CAVIN4: variants seen among roughly 807,000 people sequenced by gnomAD.
CAVIN4 encodes the protein caveolae-associated protein 4.
In CAVIN4, 10 loss-of-function variants were observed where a neutral mutation model predicts 18.6. The observed-to-expected ratio is 0.54, with a 90% CI of 0.33 to 0.91. The LOEUF (loss-of-function observed/expected upper bound fraction) is 0.91, where lower values mean the gene tolerates loss of function less well. CAVIN4 is among the 40% of genes least tolerant of loss of function. CAVIN4 has a pLI of 0.02. For synonymous variants in CAVIN4, 173 were observed against 164.8 expected (o/e 1.05, Z -0.38); for missense variants, 459 against 440.5 (o/e 1.04, Z -0.38).
At chr9:100,581,696 A>G (rs1459755956) in intron 1 of CAVIN4, among the ~76,000 whole-genome samples, 1 of 152,202 alleles carries the variant, frequency 6.6e-6, no homozygotes, top group Non-Finnish European at 1.5e-5. Context: ...AAAGGAGGGT[A>G]TGTGATTCCT....
chr9:100,577,992 TG>T, upstream of CAVIN4: 1 of 677,038 alleles, frequency 1.5e-6, no homozygotes, highest in Non-Finnish European at 2.5e-6. Flanking sequence ...CAGTCACATA[TG>T]GGTATTTGTA....
At chr9:100,578,048 T>TAA, upstream of CAVIN4, 11 of 1,323,998 alleles carry the variant, frequency 8.3e-6, no homozygotes, top group Non-Finnish European at 1.2e-5. Flanking sequence ...TTTCCAACTC[T>TAA]TTAAACAACC....
At chr9:100,584,788 G>C (rs1172924179) in intron 1 of CAVIN4, among the ~76,000 whole-genome samples, 1 of 152,184 alleles carries the variant, frequency 6.6e-6, no homozygotes, top group African/African-American at 2.4e-5. Context: ...GACTGAAGCA[G>C]GGGGATTCCT....
chr9:100,580,089 G>GA (rs35501623), intron 1 of CAVIN4, among the ~76,000 whole-genome samples: 18,699 of 138,158 alleles, frequency 0.14, 1,273 homozygotes, highest in Middle Eastern at 0.18. Flanking sequence ...AAAAATTTGG[G>GA]AAAAAAAAAA....
rs1272014222 is a variant in CAVIN4 at position 100,587,339 on chromosome 9, A to C, written c.*888A>C. 6.6e-6 allele frequency: 1 copy of C among 152,180 alleles called. No individual in the cohort carries two copies. Among genetic ancestry groups the C allele is most frequent in the Non-Finnish European group, 1.5e-5 (1 of 68,042 alleles). 9.4% of individuals were successfully genotyped at this position (152,180 alleles called of 1,614,324 possible). On this transcript the variant is annotated 3_prime_UTR_variant, in exon 2 of 2. Transcript: ENST00000307584. ...TCCTTTTGATTAAGATCTTTGGTGGACTATAGCACTAAATTTGTTTAAGCA... is the reference window on the plus strand; with the variant it reads ...TCCTTTTGATTAAGATCTTTGGTGGCCTATAGCACTAAATTTGTTTAAGCA...
Position 100,585,811 on chromosome 9 carries a change from A to G in CAVIN4, c.455A>G (p.Asn152Ser). Residue 152 changes from asparagine to serine, a missense_variant, in exon 2 of 2, where the codon AAC (asparagine) becomes AGC (serine). Physicochemically the swap from Asn to Ser is conservative, Grantham distance 46 (BLOSUM62 1). Transcript: ENST00000307584. The stretch of plus-strand genomic sequence containing the variant: ...TCCCTGTCTGTTGTTAAAGACAGAA[A>G]CCTAACTGAGAACCAAGAAGAGGAT... ...PTSLSVVKDR[N>S]LTENQEEDDD... 1 of 1,614,176 alleles carries G rather than the reference A, an allele frequency of 6.2e-7. No individual in the cohort carries two copies.
chr9:100,583,874 A>G (rs765187484), intron 1 of CAVIN4, among the ~76,000 whole-genome samples: 20 of 152,116 alleles, frequency 1.3e-4, no homozygotes, highest in Non-Finnish European at 2.5e-4. Flanking sequence ...CGAACTCCTG[A>G]CCTCAGGTGA....
Position 100,585,989 on chromosome 9 carries a change from G to T in CAVIN4, c.633G>T (p.Arg211=). Residue 211 remains arginine (R), a synonymous_variant, in exon 2 of 2, where the codon CGG becomes CGT. Transcript: ENST00000307584. The part of the protein sequence containing the change: ...AFSKENMQKT[R]QNLDKKVNRI... ...CCAAAGAAAACATGCAGAAGACACG[G>T]CAGAATCTTGACAAGAAAGTGAACA... 2 of 1,614,134 alleles carry T rather than the reference G, an allele frequency of 1.2e-6. No individual in the cohort carries two copies. The highest frequency in any genetic ancestry group is 1.7e-6 in the Non-Finnish European group (2 of 1,180,022).
rs1191268319 is a variant in CAVIN4, at chr9:100,581,295, CA to C, written c.408+2745del. ...ATGGAGCGGTGAGGGAGGAAGGGGA[CA>C]CCCACTTAGCCCAGCCAGATCAGCT... On this transcript the variant is annotated intron_variant, in intron 1 of 1. Transcript: ENST00000307584. 6 of 152,454 alleles carry C rather than the reference CA, an allele frequency of 3.9e-5. No individual in the cohort carries two copies. The South Asian group carries it at 1.2e-3, about 32-fold the overall frequency. 9.4% of individuals were successfully genotyped at this position (152,454 alleles called of 1,614,324 possible). A position where few individuals can be genotyped will look rare whatever the true frequency, so the allele number is the denominator to read the frequency against.
chr9:100,583,210 G>A (rs939881550), intron 1 of CAVIN4, among the ~76,000 whole-genome samples: 3 of 152,138 alleles, frequency 2.0e-5, no homozygotes, highest in African/African-American at 7.2e-5. Context: ...CTACTCAGCT[G>A]CCTGCTCAGT....
At position 100,585,836 on chromosome 9, in the gene CAVIN4, T is replaced by C. The variant is rs200636428; in HGVS notation, c.480T>C (p.Asp160=). The C allele has an allele frequency of 6.6e-5, 107 of 1,613,880 alleles. No individual in the cohort carries two copies. Among genetic ancestry groups the C allele is most frequent in the Non-Finnish European group, 8.2e-5 (97 of 1,179,896 alleles). The change falls in exon 2 of 2, where the codon GAT becomes GAC. Residue 160 remains aspartate (D), a synonymous_variant. Transcript: ENST00000307584. The stretch of plus-strand genomic sequence containing the variant: ...ACCTAACTGAGAACCAAGAAGAGGA[T>C]GATGATGATATCTTTGATCCCCCAG... ...DRNLTENQEE[D]DDDIFDPPVD... is the part of the protein sequence containing the mutation.
At chr9:100,580,892 T>C (rs1839419639) in intron 1 of CAVIN4, among the ~76,000 whole-genome samples, 1 of 152,250 alleles carries the variant, frequency 6.6e-6, no homozygotes, top group Non-Finnish European at 1.5e-5. Context: ...GTTAGAAAGC[T>C]GTATACATGG....
chr9:100,583,597 T>C (rs1839448127), intron 1 of CAVIN4, among the ~76,000 whole-genome samples: 1 of 151,916 alleles, frequency 6.6e-6, no homozygotes, highest in African/African-American at 2.4e-5. Context: ...ATCCTGGCAC[T>C]ACTCTCCTGC....
In CAVIN4 at chr9:100,585,747, G is replaced by GT; in HGVS notation, c.409-12dup. On this transcript the variant is annotated splice_polypyrimidine_tract_variant and intron_variant, in intron 1 of 1. Coordinates refer to ENST00000307584, the MANE Select transcript of CAVIN4 (RefSeq NM_001018116.2). The stretch of plus-strand genomic sequence containing the variant: ...TGCAAAGGAAGCACTAATATGCTTT[G>GT]TTTTTTCTCTCCTTCAGGAGAAGTT... The GT allele has an allele frequency of 6.2e-7, 1 of 1,607,170 alleles. No homozygotes were observed. Among genetic ancestry groups the GT allele is most frequent in the African/African-American group, 1.3e-5 (1 of 74,892 alleles).
At position 100,587,626 on chromosome 9, in the gene CAVIN4, T is replaced by A. The variant is rs1839495149; in HGVS notation, c.*1175T>A. The A allele has an allele frequency of 6.6e-6, 1 of 152,326 alleles. No homozygotes were observed. Among genetic ancestry groups the A allele is most frequent in the South Asian group, 2.1e-4 (1 of 4,828 alleles). 9.4% of individuals were successfully genotyped at this position (152,326 alleles called of 1,614,324 possible). A position where few individuals can be genotyped will look rare whatever the true frequency, so the allele number is the denominator to read the frequency against. On this transcript the variant is annotated 3_prime_UTR_variant, in exon 2 of 2. Coordinates refer to ENST00000307584, the MANE Select transcript of CAVIN4 (RefSeq NM_001018116.2). Reference sequence around the variant, plus strand: ...AAAGAAATGGGCCGGGTGTGGTGGCTCACGGGGAGTAATCCCAGCACTTTG... The same window carrying A: ...AAAGAAATGGGCCGGGTGTGGTGGCACACGGGGAGTAATCCCAGCACTTTG...
chr9:100,585,632 GA>G, intron 1 of CAVIN4, 132 bp from the exon 2 acceptor site: 1 of 758,382 alleles, frequency 1.3e-6, no homozygotes. Context: ...GAAACCCTAA[GA>G]AATGGTAACA....
chr9:100,581,550 A>G (rs796462335), intron 1 of CAVIN4, among the ~76,000 whole-genome samples: 4 of 152,338 alleles, frequency 2.6e-5, no homozygotes, highest in Admixed American at 1.3e-4. Flanking sequence ...ATAACAGTCT[A>G]TTCACCATTA....
chr9:100,577,976 G>T (rs954094148), upstream of CAVIN4: 4 of 628,122 alleles, frequency 6.4e-6, no homozygotes, highest in Middle Eastern at 4.3e-4. Flanking sequence ...GGTTCAGATT[G>T]CAGAACAGTC....
At position 100,578,382 on chromosome 9, in the gene CAVIN4, G is replaced by A. The variant is rs1403293068; in HGVS notation, c.239G>A (p.Ser80Asn). ...IDLLKLSQSHSNTGHIINKLF... is the reference protein window; with the variant it reads ...IDLLKLSQSHNNTGHIINKLF... ...CTGTTGAAGCTTTCACAGTCGCATA[G>A]CAATACAGGGCATATCATTAACAAA... is the stretch of plus-strand genomic sequence containing the variant. The change falls in exon 1 of 2, where the codon AGC (serine) becomes AAC (asparagine). Residue 80 changes from serine to asparagine, a missense_variant. Coordinates refer to ENST00000307584, the MANE Select transcript of CAVIN4 (RefSeq NM_001018116.2). 4.3e-6 allele frequency: 7 copies of A among 1,613,972 alleles called. No individual in the cohort carries two copies. The African/African-American group carries it at 5.3e-5, about 12-fold the overall frequency.
Sources: gnomAD v4.1 joint callset for allele counts (sites outside exome capture counted in the v4.1 genomes callset) on GRCh38, gnomAD v4.1.1 for gene constraint, MANE v1.5 for transcripts, NCBI Gene and HGNC (gene_info 2026-07-23, HGNC 2026-07-21) for gene names.